PSEN1: variants seen among roughly 807,000 people sequenced by gnomAD.
The protein encoded by PSEN1 is presenilin 1.
In PSEN1, 15 loss-of-function variants were observed where a neutral mutation model predicts 53.5. That is an observed-to-expected ratio of 0.28 (90% CI 0.19 to 0.43). The LOEUF (loss-of-function observed/expected upper bound fraction) is 0.43, where lower values mean the gene tolerates loss of function less well. Ranked by LOEUF, PSEN1 falls within the 20% of genes least tolerant of loss-of-function variation. PSEN1 has a pLI of 1.00. For missense variants in PSEN1, 387 were observed against 571.2 expected, an observed-to-expected ratio of 0.68 and a Z score of 3.29; for synonymous variants, 208 against 209.8, an observed-to-expected ratio of 0.99 and a Z score of 0.08.
chr14:73,154,101 T>C (rs935940392), intron 3 of PSEN1, among the ~76,000 whole-genome samples: 6 of 152,170 alleles, frequency 3.9e-5, no homozygotes, highest in African/African-American at 1.4e-4. Context: ...ATTGAATACA[T>C]TATAACCACG....
At chr14:73,197,688 A>G (rs988393974) in intron 7 of PSEN1, 4 of 287,026 alleles carry the variant, frequency 1.4e-5, no homozygotes, top group Admixed American at 4.9e-5. Context: ...TAGGTTGACA[A>G]CTGCTTAAAA....
intron 3 of PSEN1, among the ~76,000 whole-genome samples, chr14:73,154,586 G>A (rs1318695271): frequency 6.6e-6 from 1 of 152,120 alleles, no homozygotes; most frequent in African/African-American, 2.4e-5. Context: ...GGGCAGCAAA[G>A]TGAGACCCTG....
At chr14:73,154,135 C>A (rs913056897) in intron 3 of PSEN1, among the ~76,000 whole-genome samples, 4 of 152,038 alleles carry the variant, frequency 2.6e-5, no homozygotes, top group African/African-American at 4.8e-5. Context: ...TGCTTACATG[C>A]GTGCATGAAA....
chr14:73,178,243 C>G (rs574976324), intron 5 of PSEN1, among the ~76,000 whole-genome samples: 6 of 137,248 alleles, frequency 4.4e-5, no homozygotes, highest in African/African-American at 1.7e-4. Flanking sequence ...TTTTTGAGAC[C>G]GAGTCTCGCT....
In PSEN1 at chr14:73,215,559, T is replaced by C. The variant is rs546336401; in HGVS notation, c.1130-1567T>C. Reference sequence around the variant, plus strand: ...GATCACTTAAAAAAAAAAAGGAAAATAAGCTACCAGCTGAGAGAAAATATA... The same window carrying C: ...GATCACTTAAAAAAAAAAAGGAAAACAAGCTACCAGCTGAGAGAAAATATA... On this transcript the variant is annotated intron_variant, in intron 10 of 11. Coordinates refer to ENST00000324501, the MANE Select transcript of PSEN1 (RefSeq NM_000021.4). Among the ~76,000 whole-genome samples the C allele has an allele frequency of 1.4e-4, 21 of 148,680 alleles. No individual in the cohort carries two copies. In the East Asian group the frequency reaches 4.0e-3, roughly 28 times the overall value.
intron 3 of PSEN1, among the ~76,000 whole-genome samples, chr14:73,157,057 G>C (rs1897378606): frequency 6.6e-6 from 1 of 151,722 alleles, no homozygotes; most frequent in African/African-American, 2.4e-5. Context: ...AAATCCCTCA[G>C]TATTCTAGTA....
chr14:73,212,015 A>G, intron 10 of PSEN1, 73 bp downstream of exon 10: 1 of 1,352,110 alleles, frequency 7.4e-7, no homozygotes, highest in Non-Finnish European at 1.0e-6. Context: ...TTTTGAGAAT[A>G]AAATGAATTG....
chr14:73,205,021 A>C (rs1471626441), intron 8 of PSEN1, among the ~76,000 whole-genome samples: 1 of 152,224 alleles, frequency 6.6e-6, no homozygotes, highest in Non-Finnish European at 1.5e-5. Flanking sequence ...TTATCCTATA[A>C]TGAAACTTGG....
intron 7 of PSEN1, chr14:73,197,806 A>C: frequency 1.8e-6 from 1 of 543,120 alleles, no homozygotes. Flanking sequence ...GTCAAACCCA[A>C]ATGAAATTTT....
rs78537135 is a variant in PSEN1 at position 73,217,761 on chromosome 14, C to T, written c.1248+517C>T. On this transcript the variant is annotated intron_variant, in intron 11 of 11. Transcript: ENST00000324501. ...CCCCACATAGATCTTGCTGATAGTG[C>T]TACAGCATGAACCCTGAAGCTTTCA... is the stretch of plus-strand genomic sequence containing the variant. Among the ~76,000 whole-genome samples the T allele has an allele frequency of 1.7e-4, 26 of 151,376 alleles. No homozygotes were observed. The East Asian group carries it at 4.1e-3, about 24-fold the overall frequency.
chr14:73,175,700 T>C (rs989990139), intron 5 of PSEN1, among the ~76,000 whole-genome samples: 3 of 152,248 alleles, frequency 2.0e-5, no homozygotes, highest in Non-Finnish European at 4.4e-5. Flanking sequence ...ATGTCCCTGA[T>C]GTTGGACATT....
chr14:73,194,920 T>C (rs1898879315), intron 7 of PSEN1, among the ~76,000 whole-genome samples: 1 of 152,218 alleles, frequency 6.6e-6, no homozygotes, highest in Admixed American at 6.5e-5. Context: ...TTTGGTGGCC[T>C]GTAATAGGAA....
At chr14:73,138,523 A>C (rs555201705) in intron 1 of PSEN1, among the ~76,000 whole-genome samples, 1 of 146,894 alleles carries the variant, frequency 6.8e-6, no homozygotes, top group African/African-American at 2.5e-5. Flanking sequence ...CCGGCCGGCT[A>C]TTTATTTTTT....
intron 5 of PSEN1, among the ~76,000 whole-genome samples, chr14:73,185,874 A>G (rs1898491046): frequency 6.6e-6 from 1 of 152,188 alleles, no homozygotes; most frequent in Admixed American, 6.5e-5. Context: ...ATATGTATTA[A>G]TAATAACAAA....
chr14:73,156,745 C>T (rs1223747681), intron 3 of PSEN1, among the ~76,000 whole-genome samples: 1 of 150,870 alleles, frequency 6.6e-6, no homozygotes, highest in Non-Finnish European at 1.5e-5. Flanking sequence ...TCACTGCAAG[C>T]TCCGCCTCCC....
In PSEN1 at chr14:73,216,076, G is replaced by A. The variant is rs573325852; in HGVS notation, c.1130-1050G>A. 2.0e-5 allele frequency among the ~76,000 whole-genome samples: 3 copies of A among 152,208 alleles called. No individual in the cohort carries two copies. The South Asian group carries it at 6.2e-4, about 32-fold the overall frequency. On this transcript the variant is annotated intron_variant, in intron 10 of 11. Transcript: ENST00000324501. The stretch of plus-strand genomic sequence containing the variant: ...TGTCCATCAACTGGTAAATGGATAA[G>A]CAAACCATATAATGGAAAACCATTC...
intron 8 of PSEN1, among the ~76,000 whole-genome samples, chr14:73,201,789 C>T (rs1224490744): frequency 2.0e-5 from 3 of 152,086 alleles, no homozygotes; most frequent in South Asian, 2.1e-4. Context: ...CTCTGTTGCT[C>T]GGGCTAGAGT....
Position 73,170,844 on chromosome 14 carries a change from C to G in PSEN1, c.135C>G (p.Gly45=). 3 of 1,614,164 alleles carry G rather than the reference C, an allele frequency of 1.9e-6. No homozygotes were observed. Among genetic ancestry groups the G allele is most frequent in the Non-Finnish European group, 2.5e-6 (3 of 1,180,016 alleles). Residue 45 remains glycine, a synonymous_variant, in exon 4 of 12, where the codon GGC becomes GGG. Transcript: ENST00000324501. ...AGCACAACGACAGACGGAGCCTTGG[C>G]CACCCTGAGCCATTATCTAATGGAC... ...RQEHNDRRSL[G]HPEPLSNGRP...
At chr14:73,163,057 G>A (rs1303330054) in intron 3 of PSEN1, among the ~76,000 whole-genome samples, 1 of 152,060 alleles carries the variant, frequency 6.6e-6, no homozygotes, top group Non-Finnish European at 1.5e-5. Flanking sequence ...ATTATCATCT[G>A]TAGATTCTTA....
Sources: allele counts gnomAD v4.1 joint callset (sites outside exome capture counted in the v4.1 genomes callset), GRCh38; gene constraint gnomAD v4.1.1; transcripts MANE v1.5; gene names NCBI Gene and HGNC (gene_info 2026-07-23, HGNC 2026-07-21).